PRDM5: variants seen among roughly 807,000 people sequenced by gnomAD.
PRDM5 encodes the protein PR/SET domain 5, also known as PR domain zinc finger protein 5.
In PRDM5, 56 loss-of-function variants were observed where a neutral mutation model predicts 81.2. That is an observed-to-expected ratio of 0.69 (90% confidence interval 0.56 to 0.86). The LOEUF is 0.86. Among genes scored for constraint, PRDM5 ranks in the 40% least tolerant of loss-of-function variants. The probability of loss-of-function intolerance (pLI) is 0.00; values close to 1 mark genes in which losing one functional copy is unlikely to be tolerated. For synonymous variants in PRDM5, 267 were observed against 256.4 expected (o/e 1.04, Z -0.39); for missense variants, 697 against 770.1 (o/e 0.91, Z 1.12).
At chr4:120,740,677 G>C (rs1471528767) in intron 14 of PRDM5, among the ~76,000 whole-genome samples, 1 of 152,030 alleles carries the variant, frequency 6.6e-6, no homozygotes, top group Non-Finnish European at 1.5e-5. Context: ...ATCTCATGTG[G>C]GTCCCTATTC....
chr4:120,703,123 T>C (rs1735617169), intron 15 of PRDM5, among the ~76,000 whole-genome samples: 1 of 152,214 alleles, frequency 6.6e-6, no homozygotes, highest in East Asian at 1.9e-4. Flanking sequence ...TTCTTCCTTC[T>C]CTTTCCCAGT....
At chr4:120,701,332 A>G (rs1735329930) in intron 15 of PRDM5, among the ~76,000 whole-genome samples, 1 of 152,160 alleles carries the variant, frequency 6.6e-6, no homozygotes, top group South Asian at 2.1e-4. Context: ...ATTACTGGGT[A>G]TATATGCAAA....
intron 15 of PRDM5, among the ~76,000 whole-genome samples, chr4:120,706,234 C>T (rs1424389453): frequency 6.6e-6 from 1 of 152,112 alleles, no homozygotes; most frequent in East Asian, 1.9e-4. Context: ...CTCAGTGAAC[C>T]TCGACTTCTT....
chr4:120,743,238 T>C (rs896033077), intron 14 of PRDM5, among the ~76,000 whole-genome samples: 5 of 151,352 alleles, frequency 3.3e-5, no homozygotes, highest in Non-Finnish European at 5.9e-5. Context: ...CTGAGAGATT[T>C]TGTCACCACT....
chr4:120,787,854 T>C (rs956965080), intron 10 of PRDM5, among the ~76,000 whole-genome samples: 2 of 152,168 alleles, frequency 1.3e-5, no homozygotes, highest in African/African-American at 2.4e-5. Context: ...CAAGTCTGGA[T>C]AATAAGGTAT....
intron 8 of PRDM5, among the ~76,000 whole-genome samples, chr4:120,804,671 T>C (rs1752648632): frequency 6.6e-6 from 1 of 152,174 alleles, no homozygotes. Flanking sequence ...AGACACAACA[T>C]ACCAGAATCT....
chr4:120,777,297 T>C lies in PRDM5; in HGVS notation c.1444-16A>G. The C allele has an allele frequency of 6.2e-7, 1 of 1,612,988 alleles. No individual in the cohort carries two copies. Among genetic ancestry groups the C allele is most frequent in the East Asian group, 2.2e-5 (1 of 44,818 alleles). ...CTGTATGTGTCTAAAAGGAAAGGGA[T>C]AAAAAGGCTAAGGATAAATACAAAG... On this transcript the variant is annotated splice_polypyrimidine_tract_variant and intron_variant, in intron 12 of 15. Coordinates refer to ENST00000264808, the MANE Select transcript of PRDM5 (RefSeq NM_018699.4).
chr4:120,822,823 A>C (rs1241456849), intron 3 of PRDM5, among the ~76,000 whole-genome samples: 3 of 152,236 alleles, frequency 2.0e-5, no homozygotes, highest in Admixed American at 2.0e-4. Flanking sequence ...ACTGAAGCAA[A>C]TCTAATCATG....
intron 14 of PRDM5, among the ~76,000 whole-genome samples, chr4:120,713,154 T>A (rs1008811564): frequency 1.3e-5 from 2 of 152,208 alleles, no homozygotes; most frequent in African/African-American, 4.8e-5. Flanking sequence ...TAAACTATTA[T>A]GCTATTGGAA....
At chr4:120,789,290 G>A (rs190912190) in intron 10 of PRDM5, among the ~76,000 whole-genome samples, 1 of 152,160 alleles carries the variant, frequency 6.6e-6, no homozygotes, top group Non-Finnish European at 1.5e-5. Flanking sequence ...GAAGGTTTCT[G>A]GCGTAATGTA....
chr4:120,748,931 G>C lies in PRDM5; in HGVS notation c.1623+5622C>G, dbSNP rs562899978. On this transcript the variant is annotated intron_variant, in intron 14 of 15. Transcript: ENST00000264808. ...AATAGGGGTGCTTCCCTGACTGAAT[G>C]GGGGAGCTAACTGGACATGGAATAT... Among the ~76,000 whole-genome samples the C allele has an allele frequency of 5.3e-5, 8 of 152,192 alleles. No homozygotes were observed. In the South Asian group the frequency reaches 1.7e-3, roughly 32 times the overall value.
intron 2 of PRDM5, among the ~76,000 whole-genome samples, chr4:120,889,618 C>A (rs1561622460): frequency 6.6e-6 from 1 of 152,136 alleles, no homozygotes; most frequent in Non-Finnish European, 1.5e-5. Flanking sequence ...TATGCACACA[C>A]AAGTTTCTTA....
At chr4:120,852,501 T>C (rs1427059940) in intron 3 of PRDM5, among the ~76,000 whole-genome samples, 1 of 152,102 alleles carries the variant, frequency 6.6e-6, no homozygotes, top group Non-Finnish European at 1.5e-5. Context: ...CCTGGAACGC[T>C]AGCTCTTCTT....
chr4:120,744,949 G>C (rs1742752520), intron 14 of PRDM5, among the ~76,000 whole-genome samples: 1 of 137,062 alleles, frequency 7.3e-6, no homozygotes, highest in Non-Finnish European at 1.6e-5. Flanking sequence ...GCATCATTCT[G>C]ATACCAAAGC....
At chr4:120,707,751 C>T (rs776680268) in intron 15 of PRDM5, among the ~76,000 whole-genome samples, 1 of 151,902 alleles carries the variant, frequency 6.6e-6, no homozygotes, top group Non-Finnish European at 1.5e-5. Flanking sequence ...AGAAAACCTA[C>T]AGAATGAAAA....
intron 3 of PRDM5, among the ~76,000 whole-genome samples, chr4:120,826,482 T>A (rs1390085403): frequency 6.6e-6 from 1 of 152,144 alleles, no homozygotes; most frequent in Non-Finnish European, 1.5e-5. Context: ...ATGTGATCAA[T>A]GAATTTCTAA....
Position 120,812,790 on chromosome 4 carries a change from C to A in PRDM5, c.866-1341G>T, listed in dbSNP as rs139231756. 1,622 of 413,528 alleles carry A rather than the reference C, an allele frequency of 3.9e-3. 29 individuals carry two copies. Among genetic ancestry groups the A allele is most frequent in the African/African-American group, 0.031 (1,469 of 46,896 alleles). 25.6% of individuals were successfully genotyped at this position (413,528 alleles called of 1,614,324 possible). The stretch of plus-strand genomic sequence containing the variant: ...CCACCTTTCTCATATATAAAACAGG[C>A]CTTTCACTTTTCCATGTACTAATAC... On this transcript the variant is annotated intron_variant, in intron 7 of 15. Coordinates refer to ENST00000264808, the MANE Select transcript of PRDM5 (RefSeq NM_018699.4).
At chr4:120,875,358 C>T (rs1762239379) in intron 2 of PRDM5, among the ~76,000 whole-genome samples, 1 of 152,216 alleles carries the variant, frequency 6.6e-6, no homozygotes, top group Admixed American at 6.5e-5. Context: ...TCTGAGACTG[C>T]CAAGGAGCCA....
At chr4:120,811,507 A>G in intron 7 of PRDM5, 58 bp from the exon 8 acceptor site, 7 of 1,135,382 alleles carry the variant, frequency 6.2e-6, no homozygotes, top group Non-Finnish European at 9.2e-6. Context: ...AGGAAAAACA[A>G]ATAGTGTTTC....
Sources: gnomAD v4.1 joint callset for allele counts (sites outside exome capture counted in the v4.1 genomes callset) on GRCh38, gnomAD v4.1.1 for gene constraint, MANE v1.5 for transcripts, NCBI Gene and HGNC (gene_info 2026-07-23, HGNC 2026-07-21) for gene names.